OLR1: variants seen among roughly 807,000 people sequenced by gnomAD.
OLR1 encodes oxidized low density lipoprotein receptor 1, also known as oxidized low-density lipoprotein receptor 1.
In OLR1, 23 loss-of-function variants were observed where a neutral mutation model predicts 31.7. The ratio of observed to expected loss-of-function variants is 0.72; its 90% confidence interval spans 0.52 to 1.03. OLR1 has a LOEUF of 1.03. Ranked by LOEUF, OLR1 falls within the 50% of genes least tolerant of loss-of-function variation. OLR1 has a pLI of 0.00. For missense variants in OLR1, 286 were observed against 315.7 expected, an observed-to-expected ratio of 0.91 and a Z score of 0.71; for synonymous variants, 117 against 115.8, an observed-to-expected ratio of 1.01 and a Z score of -0.07.
At chr12:10,166,549 G>T (rs1248170712) in intron 3 of OLR1, among the ~76,000 whole-genome samples, 163 bp downstream of exon 3, 1 of 150,308 alleles carries the variant, frequency 6.7e-6, no homozygotes, top group Non-Finnish European at 1.5e-5. Flanking sequence ...GAAAAAGAAA[G>T]AAAAAGAAAA....
chr12:10,174,616 A>G (rs754895902), upstream of OLR1, among the ~76,000 whole-genome samples: 1 of 152,000 alleles, frequency 6.6e-6, no homozygotes, highest in Non-Finnish European at 1.5e-5. Context: ...GGCAGCCCAC[A>G]CTCCAGATTT....
chr12:10,171,817 T>C (rs1948721269), intron 1 of OLR1, among the ~76,000 whole-genome samples, 185 bp downstream of exon 1: 1 of 152,220 alleles, frequency 6.6e-6, no homozygotes, highest in Non-Finnish European at 1.5e-5. Context: ...CAGTATAAAT[T>C]GTTATAAATA....
At chr12:10,169,259 G>A (rs1176994933) in intron 1 of OLR1, 84 bp from the exon 2 acceptor site, 2 of 884,074 alleles carry the variant, frequency 2.3e-6, no homozygotes, top group Middle Eastern at 2.3e-4. Flanking sequence ...TCTGTACTTG[G>A]TGATTTACTC....
upstream of OLR1, among the ~76,000 whole-genome samples, chr12:10,173,671 T>A (rs1474719422): frequency 6.6e-6 from 1 of 151,586 alleles, no homozygotes; most frequent in Non-Finnish European, 1.5e-5. Context: ...TCCCAGCTAT[T>A]TGGGAGGTGG....
At chr12:10,164,184 T>C (rs1948642570) in intron 3 of OLR1, among the ~76,000 whole-genome samples, 1 of 152,254 alleles carries the variant, frequency 6.6e-6, no homozygotes, top group Non-Finnish European at 1.5e-5. Flanking sequence ...GCCTGTGATA[T>C]AAACCATTGG....
intron 3 of OLR1, among the ~76,000 whole-genome samples, chr12:10,163,027 C>CA (rs35374521): frequency 0.48 from 72,214 of 151,598 alleles, 19,304 homozygotes; most frequent in Middle Eastern, 0.69. Flanking sequence ...AATTATATAA[C>CA]AATACAAATA....
At chr12:10,163,032 C>A (rs1450666743) in intron 3 of OLR1, among the ~76,000 whole-genome samples, 2 of 150,748 alleles carry the variant, frequency 1.3e-5, no homozygotes, top group African/African-American at 4.9e-5. Context: ...TATAACAATA[C>A]AAATATCACT....
At chr12:10,173,079 A>T (rs940099756), upstream of OLR1, among the ~76,000 whole-genome samples, 6 of 152,188 alleles carry the variant, frequency 3.9e-5, no homozygotes, top group Admixed American at 1.3e-4. Context: ...CAGTTGAATT[A>T]CCCATCAAAT....
At chr12:10,166,335 C>A (rs539540760) in intron 3 of OLR1, among the ~76,000 whole-genome samples, 56 of 152,134 alleles carry the variant, frequency 3.7e-4, no homozygotes, top group African/African-American at 1.3e-3. Flanking sequence ...CGCGACCAGC[C>A]TAGCCAACAT....
In OLR1 at chr12:10,166,766, G is replaced by T; in HGVS notation, c.370C>A (p.His124Asn). 1 of 1,613,960 alleles carries T rather than the reference G, an allele frequency of 6.2e-7. No individual in the cohort carries two copies. The highest frequency in any genetic ancestry group is 1.7e-5 in the Admixed American group (1 of 59,992). Reference sequence around the variant, plus strand: ...TCTTGGAGATTCAGATTCTGGTGGTGAAGTTCCATTTGCTCTTTGGATTTC... The same window carrying T: ...TCTTGGAGATTCAGATTCTGGTGGTTAAGTTCCATTTGCTCTTTGGATTTC... ...NEKSKEQMELHHQNLNLQETL... is the reference protein window; with the variant it reads ...NEKSKEQMELNHQNLNLQETL... The change falls in exon 3 of 6, where the codon CAC becomes AAC. Residue 124 changes from histidine to asparagine, a missense_variant. Physicochemically the swap from His to Asn is moderately conservative, Grantham distance 68. Coordinates refer to ENST00000309539, the MANE Select transcript of OLR1 (RefSeq NM_002543.4).
chr12:10,164,968 A>G (rs1948648848), intron 3 of OLR1, among the ~76,000 whole-genome samples: 2 of 152,128 alleles, frequency 1.3e-5, no homozygotes, highest in Non-Finnish European at 2.9e-5. Flanking sequence ...CATTGGCTCT[A>G]TTTAAATTGA....
chr12:10,166,886 G>T lies in OLR1; in HGVS notation c.250C>A (p.Gln84Lys). The T allele has an allele frequency of 6.2e-7, 1 of 1,613,556 alleles. No individual in the cohort carries two copies. Among genetic ancestry groups the T allele is most frequent in the Non-Finnish European group, 8.5e-7 (1 of 1,179,956 alleles). Reference protein sequence around the residue: ...LTHQKKKLEGQISARQQAEEA... With the variant: ...LTHQKKKLEGKISARQQAEEA... Reference sequence around the variant, plus strand: ...TCTGCTTGTTGCCGGGCTGAGATCTGTCCCTCCAGTTTCTTTTTCTGGTGA... The same window carrying T: ...TCTGCTTGTTGCCGGGCTGAGATCTTTCCCTCCAGTTTCTTTTTCTGGTGA... The change falls in exon 3 of 6, where the codon CAG becomes AAG. Residue 84 changes from glutamine (Q) to lysine (K), a missense_variant. Transcript: ENST00000309539.
In OLR1 at chr12:10,172,047, C is replaced by A; in HGVS notation, c.31G>T (p.Val11Leu). Reference sequence around the variant, plus strand: ...GACTTCTCATCAGGCTGGTCCTTCACAGTCTGGATCTTTAGGTCATCAAAA... The same window carrying A: ...GACTTCTCATCAGGCTGGTCCTTCAAAGTCTGGATCTTTAGGTCATCAAAA... Reference protein sequence around the residue: MTFDDLKIQTVKDQPDEKSNG... With the variant: MTFDDLKIQTLKDQPDEKSNG... The change falls in exon 1 of 6, where the codon GTG becomes TTG. Residue 11 changes from valine (V) to leucine (L), a missense_variant. Val to Leu is a conservative substitution (Grantham distance 32, BLOSUM62 1). Transcript: ENST00000309539. 1.2e-6 allele frequency: 2 copies of A among 1,613,848 alleles called. No homozygotes were observed. The highest frequency in any genetic ancestry group is 1.7e-6 in the Non-Finnish European group (2 of 1,179,836).
rs113931672 is a variant in OLR1, at chr12:10,163,430, C to T, written c.425-2505G>A. The stretch of plus-strand genomic sequence containing the variant: ...CAAATTCCATTGCTAAATGTGAAGT[C>T]TATTCCTGCAAAGGCCCTGCATCTC... On this transcript the variant is annotated intron_variant, in intron 3 of 5. Coordinates refer to ENST00000309539, the MANE Select transcript of OLR1 (RefSeq NM_002543.4). 2.7e-3 allele frequency among the ~76,000 whole-genome samples: 408 copies of T among 152,188 alleles called. 3 individuals carry two copies. The highest frequency in any genetic ancestry group is 8.3e-3 in the African/African-American group (346 of 41,510).
In OLR1 at chr12:10,159,850, CT is replaced by C. The variant is rs773946372; in HGVS notation, c.*29del. 1.7e-5 allele frequency: 27 copies of C among 1,573,772 alleles called. No individual in the cohort carries two copies. The highest frequency in any genetic ancestry group is 2.3e-5 in the Non-Finnish European group (27 of 1,158,462). On this transcript the variant is annotated 3_prime_UTR_variant, in exon 6 of 6. Transcript: ENST00000309539. The stretch of plus-strand genomic sequence containing the variant: ...TAAATTCCAGAATAAAACTCAAAGA[CT>C]TTTTTCTTTTCTTCCAGAGCCTTCA...
At chr12:10,161,670 A>G (rs1948620664) in intron 3 of OLR1, among the ~76,000 whole-genome samples, 1 of 152,098 alleles carries the variant, frequency 6.6e-6, no homozygotes, top group African/African-American at 2.4e-5. Context: ...AGCCTCCCAA[A>G]GTGCTGGAGT....
chr12:10,163,631 C>T (rs1388130124), intron 3 of OLR1, among the ~76,000 whole-genome samples: 1 of 150,490 alleles, frequency 6.6e-6, no homozygotes, highest in East Asian at 2.0e-4. Context: ...TTTTTAAAGA[C>T]TTCTCAAAGC....
At chr12:10,164,509 C>T (rs1002504597) in intron 3 of OLR1, among the ~76,000 whole-genome samples, 1 of 152,160 alleles carries the variant, frequency 6.6e-6, no homozygotes, top group Non-Finnish European at 1.5e-5. Context: ...TATCTGTGAA[C>T]TATTATTATA....
intron 4 of OLR1, 93 bp from the exon 5 acceptor site, chr12:10,160,555 C>G (rs575777832): frequency 1.6e-5 from 17 of 1,085,508 alleles, no homozygotes; most frequent in Non-Finnish European, 2.3e-5. Flanking sequence ...AACTAAAGAA[C>G]CAAAAGGTAT....
Sources: allele counts gnomAD v4.1 joint callset (sites outside exome capture counted in the v4.1 genomes callset), GRCh38; gene constraint gnomAD v4.1.1; transcripts MANE v1.5; gene names NCBI Gene and HGNC (gene_info 2026-07-23, HGNC 2026-07-21).